NDC1: variants seen among roughly 807,000 people sequenced by gnomAD.
The protein encoded by NDC1 is NDC1 transmembrane nucleoporin, also known as nucleoporin NDC1.
In NDC1, 24 loss-of-function variants were observed where a neutral mutation model predicts 89.8. The observed-to-expected ratio is 0.27, with a 90% CI of 0.19 to 0.38. The LOEUF (loss-of-function observed/expected upper bound fraction) is 0.38. NDC1 is among the 10% of genes least tolerant of loss of function. The pLI is 1.00. For synonymous variants in NDC1, 296 were observed against 284.8 expected (o/e 1.04, Z -0.39); for missense variants, 728 against 797.6 (o/e 0.91, Z 1.05).
intron 5 of NDC1, among the ~76,000 whole-genome samples, chr1:53,821,921 C>T (rs984777787): frequency 6.6e-5 from 10 of 152,234 alleles, no homozygotes; most frequent in African/African-American, 2.4e-4. Flanking sequence ...TGCCCTACTT[C>T]ATACTAACAG....
rs997742620 is a variant in NDC1, at chr1:53,766,270, T to C, written c.*1700A>G. On this transcript the variant is annotated 3_prime_UTR_variant, in exon 18 of 18. Transcript: ENST00000371429. ...AATCCAATGTTGAATATCACAGTTC[T>C]TCTTTAATGGAAGCAGAAGATTCAG... The C allele has an allele frequency of 4.6e-5, 7 of 152,222 alleles. No individual in the cohort carries two copies. The highest frequency in any genetic ancestry group is 1.7e-4 in the African/African-American group (7 of 41,454). 9.4% of individuals were successfully genotyped at this position (152,222 alleles called of 1,614,324 possible). A position where few individuals can be genotyped will look rare whatever the true frequency, so the allele number is the denominator to read the frequency against.
chr1:53,772,723 A>AACATAACAT (rs1159986666), intron 16 of NDC1, among the ~76,000 whole-genome samples: 1,206 of 118,490 alleles, frequency 0.01, 7 homozygotes, highest in Non-Finnish European at 0.014. Context: ...TAACATAACA[A>AACATAACAT]AACAAAACAA....
At chr1:53,831,093 C>CGG (rs970236137) in intron 3 of NDC1, among the ~76,000 whole-genome samples, 6 of 150,470 alleles carry the variant, frequency 4.0e-5, no homozygotes, top group African/African-American at 1.5e-4. Context: ...GGCATGGTGG[C>CGG]GGGTGCCTGT....
intron 7 of NDC1, among the ~76,000 whole-genome samples, chr1:53,808,558 C>A (rs375662357): frequency 1.3e-5 from 2 of 152,136 alleles, no homozygotes; most frequent in Non-Finnish European, 2.9e-5. Context: ...GGGGAGTCAA[C>A]CAATGATGAA....
intron 9 of NDC1, among the ~76,000 whole-genome samples, chr1:53,805,907 T>G (rs1368165451): frequency 6.6e-6 from 1 of 152,106 alleles, no homozygotes; most frequent in South Asian, 2.1e-4. Context: ...ACCCCGTCTC[T>G]ACTAAAAATA....
chr1:53,794,088 A>G (rs1011478461), intron 13 of NDC1, among the ~76,000 whole-genome samples: 1 of 151,504 alleles, frequency 6.6e-6, no homozygotes, highest in African/African-American at 2.4e-5. Context: ...TGATTCTCCT[A>G]CCTCAGCCTC....
At chr1:53,809,785 T>A in intron 6 of NDC1, 39 bp from the exon 7 acceptor site, 1 of 1,550,438 alleles carries the variant, frequency 6.4e-7, no homozygotes, top group Non-Finnish European at 8.9e-7. Context: ...CATAAAAAGT[T>A]ATAAAACAAG....
chr1:53,831,017 T>C (rs1649048085), intron 3 of NDC1, among the ~76,000 whole-genome samples: 1 of 151,942 alleles, frequency 6.6e-6, no homozygotes, highest in Non-Finnish European at 1.5e-5. Flanking sequence ...GTGAGGAGAT[T>C]GAGACCATCC....
intron 14 of NDC1, among the ~76,000 whole-genome samples, chr1:53,792,351 T>A (rs1184665763): frequency 6.6e-6 from 1 of 152,178 alleles, no homozygotes; most frequent in Admixed American, 6.6e-5. Flanking sequence ...GGTGGATTAT[T>A]TTTTGGTAAA....
Position 53,766,908 on chromosome 1 carries a change from G to A in NDC1, c.*1062C>T, listed in dbSNP as rs564433426. 1 of 152,202 alleles carries A rather than the reference G, an allele frequency of 6.6e-6. No individual in the cohort carries two copies. The highest frequency in any genetic ancestry group is 2.1e-4 in the South Asian group (1 of 4,824). The allele number at this position is 152,202 out of a possible 1,614,324, so 9.4% of individuals were successfully genotyped here. On this transcript the variant is annotated 3_prime_UTR_variant, in exon 18 of 18. Transcript: ENST00000371429. ...ATCTAATAAATTCTAACAATACTTC[G>A]TTCACATTTGGGACACACAACATAC...
At chr1:53,818,405 C>T (rs533145934) in intron 6 of NDC1, among the ~76,000 whole-genome samples, 26 of 151,414 alleles carry the variant, frequency 1.7e-4, no homozygotes, top group Non-Finnish European at 3.2e-4. Context: ...CGCGCCATTA[C>T]GCTCCAGCCT....
intron 16 of NDC1, among the ~76,000 whole-genome samples, chr1:53,785,872 G>C (rs962049884): frequency 1.3e-5 from 2 of 151,916 alleles, no homozygotes; most frequent in African/African-American, 4.8e-5. Context: ...ACTTCCTCCA[G>C]AAGGCCTACT....
At chr1:53,811,911 A>T (rs550460658) in intron 6 of NDC1, among the ~76,000 whole-genome samples, 1 of 152,302 alleles carries the variant, frequency 6.6e-6, no homozygotes, top group African/African-American at 2.4e-5. Context: ...TGAGAGACCC[A>T]GAAACAGTTC....
At chr1:53,809,775 C>A (rs1234703376) in intron 6 of NDC1, 29 bp from the exon 7 acceptor site, 1 of 1,590,626 alleles carries the variant, frequency 6.3e-7, no homozygotes, top group South Asian at 1.1e-5. Flanking sequence ...AAGCTATGAA[C>A]ATAAAAAGTT....
At chr1:53,789,904 G>A (rs1647430895) in intron 14 of NDC1, among the ~76,000 whole-genome samples, 2 of 152,182 alleles carry the variant, frequency 1.3e-5, no homozygotes, top group Admixed American at 6.5e-5. Context: ...AGGAGTTTGA[G>A]ACCAGCCTGG....
At chr1:53,836,111 A>G (rs1214868225) in intron 1 of NDC1, among the ~76,000 whole-genome samples, 2 of 152,214 alleles carry the variant, frequency 1.3e-5, no homozygotes, top group Admixed American at 1.3e-4. Flanking sequence ...AAGAAGATAT[A>G]GAGGGGTTTT....
chr1:53,828,617 T>G (rs1648954179), intron 3 of NDC1, among the ~76,000 whole-genome samples: 1 of 151,766 alleles, frequency 6.6e-6, no homozygotes, highest in Admixed American at 6.6e-5. Context: ...TTATTTTATT[T>G]TATTTATTTT....
rs1647059771 is a variant in NDC1, at chr1:53,765,704, T to C, written c.*2266A>G. ...CTGGGAAGGAAGTTCTGTGGATTTA[T>C]ACCTTCCATAAGGGTCAAGCAAACA... On this transcript the variant is annotated 3_prime_UTR_variant, in exon 18 of 18. Transcript: ENST00000371429. 6.6e-6 allele frequency: 1 copy of C among 152,190 alleles called. No homozygotes were observed. Among genetic ancestry groups the C allele is most frequent in the South Asian group, 2.1e-4 (1 of 4,830 alleles). 9.4% of individuals were successfully genotyped at this position (152,190 alleles called of 1,614,324 possible).
intron 16 of NDC1, among the ~76,000 whole-genome samples, chr1:53,772,770 TA>T (rs1647128658): frequency 7.0e-6 from 1 of 143,270 alleles, no homozygotes; most frequent in Non-Finnish European, 1.6e-5. Flanking sequence ...AATAAAAAAT[TA>T]AAAAGAAAAA....
Sources: gnomAD v4.1 joint callset for allele counts (sites outside exome capture counted in the v4.1 genomes callset) on GRCh38, gnomAD v4.1.1 for gene constraint, MANE v1.5 for transcripts, NCBI Gene and HGNC (gene_info 2026-07-23, HGNC 2026-07-21) for gene names.